CTTN: variants seen among roughly 807,000 people sequenced by gnomAD.
CTTN encodes the protein src substrate cortactin.
Under a neutral mutation model 84.0 loss-of-function variants are expected in CTTN, and 28 were observed. That is an observed-to-expected ratio of 0.33 (90% CI 0.25 to 0.46). The LOEUF (loss-of-function observed/expected upper bound fraction) is 0.46. Among genes scored for constraint, CTTN ranks in the 20% least tolerant of loss-of-function variants. The pLI, the probability that CTTN is intolerant of heterozygous loss-of-function variation, is 1.00. For missense variants in CTTN, 641 were observed against 723.8 expected (o/e 0.89, Z 1.31); for synonymous variants, 301 against 288.8 (o/e 1.04, Z -0.43).
intron 5 of CTTN, among the ~76,000 whole-genome samples, chr11:70,412,945 G>T (rs560947516): frequency 6.6e-6 from 1 of 152,304 alleles, no homozygotes; most frequent in African/African-American, 2.4e-5. Flanking sequence ...GAAAACTCAT[G>T]CTGGGGAATC....
intron 1 of CTTN, among the ~76,000 whole-genome samples, chr11:70,404,793 G>A (rs1420971746): frequency 2.0e-5 from 3 of 152,144 alleles, no homozygotes; most frequent in Non-Finnish European, 4.4e-5. Flanking sequence ...ACCTGAGGTC[G>A]GGAGTTTGAG....
In CTTN at chr11:70,436,057, G is replaced by C. The variant is rs145280944; in HGVS notation, c.*895G>C. On this transcript the variant is annotated 3_prime_UTR_variant, in exon 18 of 18. Transcript: ENST00000301843. ...GTGCCATGTCACAGCATGGCCTCTC[G>C]GCCTTGGGAAGGAAGGCAGTGCCTG... The C allele has an allele frequency of 7.0e-7, 1 of 1,423,460 alleles. No individual in the cohort carries two copies. Among genetic ancestry groups the C allele is most frequent in the Non-Finnish European group, 9.1e-7 (1 of 1,094,508 alleles). The allele number at this position is 1,423,460 out of a possible 1,614,324, so 88.2% of individuals were successfully genotyped here. A position where few individuals can be genotyped will look rare whatever the true frequency, so the allele number is the denominator to read the frequency against.
At chr11:70,430,197 G>A (rs557423133) in intron 14 of CTTN, among the ~76,000 whole-genome samples, 2 of 152,330 alleles carry the variant, frequency 1.3e-5, no homozygotes, top group Admixed American at 6.5e-5. Context: ...GGAGGGAAGG[G>A]GTTTGGAGTG....
chr11:70,403,994 C>T (rs998715562), intron 1 of CTTN, among the ~76,000 whole-genome samples: 1 of 152,190 alleles, frequency 6.6e-6, no homozygotes, highest in Non-Finnish European at 1.5e-5. Flanking sequence ...AGTTCCCCCA[C>T]CTCAGCCTCC....
intron 4 of CTTN, among the ~76,000 whole-genome samples, chr11:70,409,423 C>A (rs986309093): frequency 6.6e-6 from 1 of 152,214 alleles, no homozygotes; most frequent in Admixed American, 6.5e-5. Flanking sequence ...GAATGTTCAG[C>A]ACCACTGGAC....
At chr11:70,431,722 G>T (rs1409341045) in intron 15 of CTTN, among the ~76,000 whole-genome samples, 1 of 152,076 alleles carries the variant, frequency 6.6e-6, no homozygotes, top group Non-Finnish European at 1.5e-5. Flanking sequence ...CAGCTCTCCA[G>T]CCTTGCAGCC....
chr11:70,419,623 A>G (rs1565494081), intron 8 of CTTN, 123 bp from the exon 9 acceptor site: 1 of 711,272 alleles, frequency 1.4e-6, no homozygotes, highest in African/African-American at 1.8e-5. Context: ...TACTGTCTGT[A>G]TTATTCAGTG....
chr11:70,422,605 G>C, intron 11 of CTTN: 1 of 1,330,892 alleles, frequency 7.5e-7, no homozygotes, highest in Non-Finnish European at 9.8e-7. Flanking sequence ...GCGGAAGACT[G>C]TGCTATTGAA....
rs142875343 is a variant in CTTN, at chr11:70,421,877, G to A, written c.901+297G>A. ...CCAGTCTCTGGACTGGGGCATCTCC[G>A]GTCTCCAGCAGCATTCTGCCCGAGG... On this transcript the variant is annotated intron_variant, in intron 11 of 17. Coordinates refer to ENST00000301843, the MANE Select transcript of CTTN (RefSeq NM_005231.4). 7.2e-4 allele frequency: 260 copies of A among 363,612 alleles called. 4 individuals are homozygous for A. The East Asian group carries it at 0.012, about 16-fold the overall frequency. The allele number at this position is 363,612 out of a possible 1,614,324, so 22.5% of individuals were successfully genotyped here. A position where few individuals can be genotyped will look rare whatever the true frequency, so the allele number is the denominator to read the frequency against.
Position 70,407,851 on chromosome 11 carries a change from A to C in CTTN, c.161+260A>C, listed in dbSNP as rs114090250. 496 of 460,990 alleles carry C rather than the reference A, an allele frequency of 1.1e-3. 3 individuals are homozygous for C. Among genetic ancestry groups the C allele is most frequent in the African/African-American group, 9.0e-3 (457 of 50,930 alleles). 28.6% of individuals were successfully genotyped at this position (460,990 alleles called of 1,614,324 possible). A position where few individuals can be genotyped will look rare whatever the true frequency, so the allele number is the denominator to read the frequency against. On this transcript the variant is annotated intron_variant, in intron 4 of 17. Transcript: ENST00000301843. ...CCCATTGCAAACAATTTCCGTATTT[A>C]TAATTTTAGAGTGTCCGCTTCTCAG...
chr11:70,416,471 G>C (rs1160497944), intron 7 of CTTN, among the ~76,000 whole-genome samples: 2 of 152,074 alleles, frequency 1.3e-5, no homozygotes, highest in Non-Finnish European at 2.9e-5. Context: ...TCGCTCTGTT[G>C]CCCAGGCTGG....
chr11:70,413,589 G>A (rs2058119971), intron 5 of CTTN, among the ~76,000 whole-genome samples: 1 of 152,158 alleles, frequency 6.6e-6, no homozygotes, highest in Non-Finnish European at 1.5e-5. Flanking sequence ...TGCCGGGTCT[G>A]GAAAGCCCAG....
rs549344451 is a variant in CTTN at position 70,415,532 on chromosome 11, A to G, written c.403-131A>G. On this transcript the variant is annotated intron_variant, in intron 6 of 17. Transcript: ENST00000301843. ...CGTCACTGCCACCTGCACCTGGCTT[A>G]GGAACCCAGAGGTCACAGCATCATG... 5.5e-5 allele frequency: 47 copies of G among 848,406 alleles called. No homozygotes were observed. In the African/African-American group the frequency reaches 6.0e-4, roughly 11 times the overall value. 52.6% of individuals were successfully genotyped at this position (848,406 alleles called of 1,614,324 possible).
chr11:70,402,794 C>T (rs4367974), intron 1 of CTTN, among the ~76,000 whole-genome samples: 44,161 of 152,120 alleles, frequency 0.29, 10,528 homozygotes, highest in African/African-American at 0.66. Context: ...TGAACACTCA[C>T]GCACAAGTTT....
intron 1 of CTTN, among the ~76,000 whole-genome samples, chr11:70,403,346 G>A (rs1196606544): frequency 5.3e-5 from 8 of 151,574 alleles, no homozygotes; most frequent in South Asian, 2.1e-4. Flanking sequence ...GCGTCACCAC[G>A]CCCTGTTAAT....
chr11:70,432,063 G>C (rs151044030), intron 15 of CTTN, among the ~76,000 whole-genome samples: 14 of 152,282 alleles, frequency 9.2e-5, no homozygotes, highest in African/African-American at 2.9e-4. Flanking sequence ...AGCCCAGAGA[G>C]AGCCCTGGAG....
intron 7 of CTTN, chr11:70,416,007 G>A (rs1053812654): frequency 1.6e-5 from 6 of 386,782 alleles, no homozygotes; most frequent in African/African-American, 4.1e-5. Context: ...AGCGGAAGCC[G>A]CCTTCCCTTC....
intron 15 of CTTN, among the ~76,000 whole-genome samples, chr11:70,431,730 G>A (rs1284776117): frequency 1.6e-4 from 25 of 152,064 alleles, no homozygotes. Context: ...CAGCCTTGCA[G>A]CCCCTCATGA....
intron 1 of CTTN, among the ~76,000 whole-genome samples, chr11:70,399,838 C>T (rs1027906038): frequency 1.3e-5 from 2 of 152,148 alleles, no homozygotes; most frequent in African/African-American, 4.8e-5. Context: ...GACTTGGCTG[C>T]GCAGGCTCTG....
Sources: gnomAD v4.1 joint callset for allele counts (sites outside exome capture counted in the v4.1 genomes callset) on GRCh38, gnomAD v4.1.1 for gene constraint, MANE v1.5 for transcripts, NCBI Gene and HGNC (gene_info 2026-07-23, HGNC 2026-07-21) for gene names.